MCTP1: variants seen among roughly 807,000 people sequenced by gnomAD.
MCTP1 encodes multiple C2 and transmembrane domain-containing protein 1.
MCTP1 carries 69 observed loss-of-function variants against 120.6 expected under a neutral mutation model. The ratio of observed to expected loss-of-function variants is 0.57; its 90% CI spans 0.47 to 0.70. The LOEUF (loss-of-function observed/expected upper bound fraction) is 0.70, where lower values mean the gene tolerates loss of function less well. MCTP1 is among the 30% of genes least tolerant of loss of function. The pLI, the probability that MCTP1 is intolerant of heterozygous loss-of-function variation, is 0.00. For missense variants in MCTP1, 1,203 were observed against 1,248.8 expected (o/e 0.96, Z 0.55); for synonymous variants, 529 against 493.1 (o/e 1.07, Z -0.96).
chr5:94,877,019 G>T (rs560964561), intron 12 of MCTP1, among the ~76,000 whole-genome samples: 1 of 151,936 alleles, frequency 6.6e-6, no homozygotes, highest in Non-Finnish European at 1.5e-5. Flanking sequence ...TGTAAGGGCT[G>T]TAATAAAGGT....
chr5:94,940,628 A>G (rs1817466959), intron 4 of MCTP1, among the ~76,000 whole-genome samples: 1 of 147,836 alleles, frequency 6.8e-6, no homozygotes, highest in Non-Finnish European at 1.5e-5. Flanking sequence ...GTATATATAT[A>G]CACATATACA....
intron 10 of MCTP1, among the ~76,000 whole-genome samples, chr5:94,902,576 G>T (rs771947152): frequency 6.6e-6 from 1 of 152,048 alleles, no homozygotes; most frequent in Non-Finnish European, 1.5e-5. Flanking sequence ...AGCTTTTTGA[G>T]ATTTCTTAAT....
intron 1 of MCTP1, among the ~76,000 whole-genome samples, chr5:95,061,123 A>G (rs1748941520): frequency 1.3e-5 from 2 of 150,686 alleles, no homozygotes; most frequent in Admixed American, 1.3e-4. Flanking sequence ...CATGCTGGTC[A>G]TGGGAGATGC....
chr5:94,841,132 C>T (rs1422341282), intron 17 of MCTP1, among the ~76,000 whole-genome samples: 1 of 152,144 alleles, frequency 6.6e-6, no homozygotes, highest in Non-Finnish European at 1.5e-5. Context: ...AGTAGGTGTG[C>T]CCTTCCCTTG....
In MCTP1 at chr5:94,770,337, A is replaced by C. The variant is rs375785813; in HGVS notation, c.2610+8773T>G. On this transcript the variant is annotated intron_variant, in intron 19 of 22. Transcript: ENST00000515393. ...CTATTTCGAGAGTTTTTGTCAAGAAAGGGGAATAGAAGAGGAAATTCACTG... is the reference window on the plus strand; with the variant it reads ...CTATTTCGAGAGTTTTTGTCAAGAACGGGGAATAGAAGAGGAAATTCACTG... Among the ~76,000 whole-genome samples, 7 of 152,320 alleles carry C rather than the reference A, an allele frequency of 4.6e-5. No homozygotes were observed. The East Asian group carries it at 1.3e-3, about 29-fold the overall frequency.
intron 19 of MCTP1, among the ~76,000 whole-genome samples, chr5:94,752,108 A>AATATATATATAT (rs146434254): frequency 0.015 from 1,102 of 75,558 alleles, 78 homozygotes; most frequent in Non-Finnish European, 0.025. Context: ...TAAATAATAA[A>AATATATATATAT]ATATATATAT....
At chr5:95,194,782 G>A (rs1750197299) in intron 1 of MCTP1, among the ~76,000 whole-genome samples, 2 of 152,154 alleles carry the variant, frequency 1.3e-5, no homozygotes, top group Non-Finnish European at 1.5e-5. Context: ...TGAGGACCAG[G>A]TAGTAAGTGG....
At chr5:95,097,872 C>G (rs10075685) in intron 1 of MCTP1, among the ~76,000 whole-genome samples, 149,142 of 152,342 alleles carry the variant, frequency 0.98, 73,068 homozygotes, top group East Asian at 1. Flanking sequence ...TGTATTTACT[C>G]AGTAATGAAA....
At chr5:95,223,702 A>G (rs1021054729) in intron 1 of MCTP1, among the ~76,000 whole-genome samples, 10 of 152,148 alleles carry the variant, frequency 6.6e-5, no homozygotes, top group African/African-American at 2.2e-4. Flanking sequence ...CTAAATTTGG[A>G]AAAAAATAAC....
chr5:94,932,137 C>T (rs138690902), intron 5 of MCTP1, 146 bp from the exon 6 acceptor site: 34 of 514,928 alleles, frequency 6.6e-5, no homozygotes, highest in African/African-American at 5.3e-4. Context: ...TTGTTTGCCA[C>T]GCACACACAA....
At chr5:94,767,312 G>T (rs980423973) in intron 19 of MCTP1, among the ~76,000 whole-genome samples, 1 of 152,038 alleles carries the variant, frequency 6.6e-6, no homozygotes, top group Admixed American at 6.5e-5. Context: ...GCTACTACAT[G>T]GAATGGGGAA....
intron 1 of MCTP1, among the ~76,000 whole-genome samples, chr5:95,250,447 T>C (rs1303865760): frequency 2.0e-5 from 3 of 152,348 alleles, no homozygotes; most frequent in East Asian, 1.9e-4. Context: ...ACTGGTTAGC[T>C]TGCAAGTATA....
intron 1 of MCTP1, among the ~76,000 whole-genome samples, chr5:95,111,405 T>C (rs373549467): frequency 6.9e-4 from 105 of 152,292 alleles, no homozygotes; most frequent in African/African-American, 2.5e-3. Context: ...TTTAAATGAA[T>C]AAGTACAGAG....
intron 2 of MCTP1, among the ~76,000 whole-genome samples, chr5:94,960,116 C>T (rs898233606): frequency 6.6e-6 from 1 of 152,124 alleles, no homozygotes; most frequent in Non-Finnish European, 1.5e-5. Context: ...AATAACACCA[C>T]ACATCTACAA....
intron 10 of MCTP1, among the ~76,000 whole-genome samples, chr5:94,901,133 G>A (rs1207058933): frequency 1.3e-5 from 2 of 152,160 alleles, no homozygotes; most frequent in African/African-American, 4.8e-5. Context: ...AGGTTTAATT[G>A]ACTCACAGTT....
At chr5:94,919,593 T>C (rs1435239196) in intron 7 of MCTP1, among the ~76,000 whole-genome samples, 1 of 152,154 alleles carries the variant, frequency 6.6e-6, no homozygotes, top group Admixed American at 6.5e-5. Flanking sequence ...TGGAATCAGC[T>C]CTTTCTTCTA....
chr5:94,710,524 AAAAT>A (rs1756529977), intron 21 of MCTP1: 2 of 285,536 alleles, frequency 7.0e-6, no homozygotes, highest in South Asian at 5.9e-5. Flanking sequence ...ATAAATGGTG[AAAAT>A]AAATCAGAGG....
At chr5:95,025,722 T>C (rs1163412316) in intron 1 of MCTP1, among the ~76,000 whole-genome samples, 1 of 152,216 alleles carries the variant, frequency 6.6e-6, no homozygotes, top group African/African-American at 2.4e-5. Flanking sequence ...TTCCCTCATT[T>C]TAGATAGACT....
intron 1 of MCTP1, among the ~76,000 whole-genome samples, chr5:95,128,232 A>G (rs1415896030): frequency 1.3e-5 from 2 of 152,246 alleles, no homozygotes; most frequent in African/African-American, 4.8e-5. Flanking sequence ...CCCAAACCAC[A>G]AGAAGAGATG....
Sources: gnomAD v4.1 joint callset for allele counts (sites outside exome capture counted in the v4.1 genomes callset) on GRCh38, gnomAD v4.1.1 for gene constraint, MANE v1.5 for transcripts, NCBI Gene and HGNC (gene_info 2026-07-23, HGNC 2026-07-21) for gene names.